The following PRXL2B variants were observed in gnomAD, a reference collection of about 807,000 sequenced individuals.
The protein encoded by PRXL2B is peroxiredoxin like 2B, also known as prostamide/prostaglandin F synthase.
Under a neutral mutation model 24.4 loss-of-function variants are expected in PRXL2B, and 26 were observed. The observed-to-expected ratio is 1.07, with a 90% CI of 0.78 to 1.48. PRXL2B has a LOEUF of 1.48. Ranked by LOEUF, PRXL2B falls within the 40% of genes most tolerant of loss-of-function variation. PRXL2B has a pLI of 0.00. For synonymous variants in PRXL2B, 115 were observed against 118.9 expected, an observed-to-expected ratio of 0.97 and a Z score of 0.21; for missense variants, 269 against 264.8, an observed-to-expected ratio of 1.02 and a Z score of -0.11.
chr1:2,586,758 G>T (rs1409429660), upstream of PRXL2B: 2 of 1,242,922 alleles, frequency 1.6e-6, no homozygotes, highest in Non-Finnish European at 2.0e-6. Context: ...AGAAAGGCGG[G>T]ACCGGGGCAT....
In PRXL2B at chr1:2,589,591, C is replaced by G. The variant is rs114216578; in HGVS notation, c.*164C>G. On this transcript the variant is annotated 3_prime_UTR_variant, in exon 7 of 7. Transcript: ENST00000419916. ...CCATTAAAACTGCAGTTCCTGACCA[C>G]GCACTGCTTCGCAGGCTCCGAGCCC... 1,856 of 888,190 alleles carry G rather than the reference C, an allele frequency of 2.1e-3. 26 individuals are homozygous for G. In the African/African-American group the frequency reaches 0.027, roughly 13 times the overall value. The allele number at this position is 888,190 out of a possible 1,614,324, so 55.0% of individuals were successfully genotyped here.
At position 2,587,246 on chromosome 1, in the gene PRXL2B, C is replaced by A. The variant is rs1365786068; in HGVS notation, c.219C>A (p.Pro73=). Residue 73 remains proline, a synonymous_variant, in exon 2 of 7, where the codon CCC becomes CCA. Transcript: ENST00000419916. This position sits in a 1 kb window ranked among gnomAD's most constrained non-coding sequence, Gnocchi z 6.1. ...GCGTGCGCCTGGTGGGCGTAGGGCCCGAGGCCCTGGGTCTGCAGGAGTTCC... is the reference window on the plus strand; with the variant it reads ...GCGTGCGCCTGGTGGGCGTAGGGCCAGAGGCCCTGGGTCTGCAGGAGTTCC... The part of the protein sequence containing the change: ...QHGVRLVGVG[P]EALGLQEFLD... 1.9e-6 allele frequency: 3 copies of A among 1,578,038 alleles called. No homozygotes were observed. The highest frequency in any genetic ancestry group is 1.7e-6 in the Non-Finnish European group (2 of 1,168,242).
In PRXL2B at chr1:2,587,001, G is replaced by A; in HGVS notation, c.63+53G>A. On this transcript the variant is annotated intron_variant, in intron 1 of 6. Transcript: ENST00000419916. The surrounding 1 kb of genome is among the most constrained non-coding windows in gnomAD (Gnocchi z 6.1). ...GGCGCGTCCCTGGCTCCTTGCCCGG[G>A]CGTCCTGGCAGCGATGGGGTGGTGG... The A allele has an allele frequency of 7.6e-7, 1 of 1,318,520 alleles. No individual in the cohort carries two copies. The allele number at this position is 1,318,520 out of a possible 1,614,324, so 81.7% of individuals were successfully genotyped here.
Position 2,589,475 on chromosome 1 carries a change from C to G in PRXL2B, c.*48C>G, listed in dbSNP as rs751401388. On this transcript the variant is annotated 3_prime_UTR_variant, in exon 7 of 7. Transcript: ENST00000419916. ...CGAGGATCTGGGTGGCGTCTGCTGC[C>G]CTAGGTGTGCTGGAAGTCCACTTGG... 1.2e-6 allele frequency: 2 copies of G among 1,613,506 alleles called. No individual in the cohort carries two copies.
Position 2,587,785 on chromosome 1 carries a change from T to G in PRXL2B, c.313T>G (p.Phe105Val). The change falls in exon 3 of 7, where the codon TTC (phenylalanine) becomes GTC (valine). Residue 105 changes from phenylalanine (F) to valine (V), a missense_variant. Physicochemically the swap from Phe to Val is conservative, Grantham distance 50. Coordinates refer to ENST00000419916, the MANE Select transcript of PRXL2B (RefSeq NM_152371.5). The surrounding 1 kb of genome is among the most constrained non-coding windows in gnomAD (Gnocchi z 6.1). ...CAAGCAGCTTTACAAGGAGCTAGGC[T>G]TCAAGCGGTGAGTGGGGGCGGGAAC... ...ESKQLYKELG[F>V]KRYNSLSILP... 5 of 1,602,980 alleles carry G rather than the reference T, an allele frequency of 3.1e-6. No individual in the cohort carries two copies. The highest frequency in any genetic ancestry group is 4.3e-6 in the Non-Finnish European group (5 of 1,175,224).
In PRXL2B at chr1:2,591,195, C is replaced by T. The variant is rs527665070; in HGVS notation, c.*1768C>T. 22 of 723,334 alleles carry T rather than the reference C, an allele frequency of 3.0e-5. No homozygotes were observed. The South Asian group carries it at 3.8e-4, about 12-fold the overall frequency. 44.8% of individuals were successfully genotyped at this position (723,334 alleles called of 1,614,324 possible). On this transcript the variant is annotated 3_prime_UTR_variant, in exon 7 of 7. Transcript: ENST00000419916. ...CCAGCCCAAAACATCAGCCTAATGGCTCATGTCAGTATGAGCAGAAACATT... is the reference window on the plus strand; with the variant it reads ...CCAGCCCAAAACATCAGCCTAATGGTTCATGTCAGTATGAGCAGAAACATT...
At position 2,589,641 on chromosome 1, in the gene PRXL2B, G is replaced by A; in HGVS notation, c.*214G>A. The A allele has an allele frequency of 1.5e-6, 1 of 652,762 alleles. No homozygotes were observed. The highest frequency in any genetic ancestry group is 1.9e-5 in the South Asian group (1 of 52,746). 40.4% of individuals were successfully genotyped at this position (652,762 alleles called of 1,614,324 possible). ...CTGCATCCTCCACAGCCCCCGCCTT[G>A]CTCACTGTTGGGCCCTCAGGGCGGG... is the stretch of plus-strand genomic sequence containing the variant. On this transcript the variant is annotated 3_prime_UTR_variant, in exon 7 of 7. Transcript: ENST00000419916.
Position 2,587,325 on chromosome 1 carries a change from A to G in PRXL2B, c.268+30A>G, listed in dbSNP as rs370605378. 7 of 1,541,874 alleles carry G rather than the reference A, an allele frequency of 4.5e-6. No individual in the cohort carries two copies. Among genetic ancestry groups the G allele is most frequent in the Admixed American group, 3.9e-5 (2 of 51,678 alleles). The stretch of plus-strand genomic sequence containing the variant: ...GTCCTGTTCCCCGCCGCGGCGGCGC[A>G]CATACCCTTCCCTAAGCTCAGGGCG... On this transcript the variant is annotated intron_variant, in intron 2 of 6. Transcript: ENST00000419916. This position sits in a 1 kb window ranked among gnomAD's most constrained non-coding sequence, Gnocchi z 6.1.
At chr1:2,589,344 G>A in intron 6 of PRXL2B, 66 bp from the exon 7 acceptor site, 1 of 1,593,740 alleles carries the variant, frequency 6.3e-7, no homozygotes, top group Non-Finnish European at 8.6e-7. Flanking sequence ...ATTGTCCAAG[G>A]GGGCCCTCCA....
Position 2,591,287 on chromosome 1 carries a change from C to G in PRXL2B, c.*1860C>G. 1.7e-6 allele frequency: 1 copy of G among 596,570 alleles called. No individual in the cohort carries two copies. Among genetic ancestry groups the G allele is most frequent in the Non-Finnish European group, 3.0e-6 (1 of 337,206 alleles). The allele number at this position is 596,570 out of a possible 1,614,324, so 37.0% of individuals were successfully genotyped here. On this transcript the variant is annotated 3_prime_UTR_variant, in exon 7 of 7. Transcript: ENST00000419916. ...ATCCTGAGAATAACCTCCCCTCCAG[C>G]CAGAGATATTCCAACTCTGCAATAA...
Position 2,587,137 on chromosome 1 carries a change from C to A in PRXL2B, c.110C>A (p.Ala37Asp). The change falls in exon 2 of 7, where the codon GCC becomes GAC. Residue 37 changes from alanine to aspartate, a missense_variant. Physicochemically the swap from Ala to Asp is moderately radical, Grantham distance 126. Coordinates refer to ENST00000419916, the MANE Select transcript of PRXL2B (RefSeq NM_152371.5). The surrounding 1 kb of genome is among the most constrained non-coding windows in gnomAD (Gnocchi z 6.1). ...SLWREHACVV[A>D]GLRRFGCVVC... The stretch of plus-strand genomic sequence containing the variant: ...TGGCGGGAGCACGCGTGCGTGGTGG[C>A]CGGGCTGCGGCGCTTCGGGTGCGTG... 2 of 1,537,292 alleles carry A rather than the reference C, an allele frequency of 1.3e-6. No homozygotes were observed. Among genetic ancestry groups the A allele is most frequent in the Non-Finnish European group, 1.7e-6 (2 of 1,148,330 alleles).
chr1:2,588,659 A>G (rs751100339), intron 5 of PRXL2B, 34 bp downstream of exon 5: 1 of 1,604,692 alleles, frequency 6.2e-7, no homozygotes, highest in South Asian at 1.1e-5. Context: ...CCACTGCCTC[A>G]AGGAGGGCCT....
In PRXL2B at chr1:2,589,864, G is replaced by T. The variant is rs746750927; in HGVS notation, c.*437G>T. 3 of 201,576 alleles carry T rather than the reference G, an allele frequency of 1.5e-5. No individual in the cohort carries two copies. The East Asian group carries it at 4.0e-4, about 27-fold the overall frequency. The allele number at this position is 201,576 out of a possible 1,614,324, so 12.5% of individuals were successfully genotyped here. On this transcript the variant is annotated 3_prime_UTR_variant, in exon 7 of 7. Transcript: ENST00000419916. Reference sequence around the variant, plus strand: ...AGGGTCGGGGTCAGTGCCTGTGTCTGGTGGGGGCCACTCAGGAGAGTTGGG... The same window carrying T: ...AGGGTCGGGGTCAGTGCCTGTGTCTTGTGGGGGCCACTCAGGAGAGTTGGG...
chr1:2,588,533 G>C lies in PRXL2B; in HGVS notation c.385-17G>C, dbSNP rs770714266. Reference sequence around the variant, plus strand: ...CTTTCTTCTAGGATTGACTCAGGCTGTACCCACTCCTGACAGGCCAAGGCT... The same window carrying C: ...CTTTCTTCTAGGATTGACTCAGGCTCTACCCACTCCTGACAGGCCAAGGCT... On this transcript the variant is annotated splice_polypyrimidine_tract_variant and intron_variant, in intron 4 of 6. Transcript: ENST00000419916. 1.2e-6 allele frequency: 2 copies of C among 1,613,992 alleles called. No individual in the cohort carries two copies. The highest frequency in any genetic ancestry group is 1.3e-5 in the African/African-American group (1 of 74,934).
At chr1:2,588,016 T>C (rs577789797) in intron 3 of PRXL2B, among the ~76,000 whole-genome samples, 1 of 152,046 alleles carries the variant, frequency 6.6e-6, no homozygotes, top group East Asian at 1.9e-4. Flanking sequence ...ACTCTCGGTG[T>C]CCAGACCACC....
chr1:2,588,205 C>A, intron 3 of PRXL2B, 185 bp from the exon 4 acceptor site: 1 of 756,672 alleles, frequency 1.3e-6, no homozygotes, highest in Non-Finnish European at 2.2e-6. Context: ...AGCCACTGGG[C>A]TCGGTGTCCA....
At chr1:2,586,976 G>A in intron 1 of PRXL2B, 28 bp downstream of exon 1, 1 of 1,316,860 alleles carries the variant, frequency 7.6e-7, no homozygotes, top group Non-Finnish European at 9.6e-7. Flanking sequence ...CAGGGCGGTG[G>A]GCGCGTCCCT....
chr1:2,587,309 C>T lies in PRXL2B; in HGVS notation c.268+14C>T, dbSNP rs1364914849. 3.9e-6 allele frequency: 6 copies of T among 1,551,346 alleles called. No homozygotes were observed. Among genetic ancestry groups the T allele is most frequent in the East Asian group, 4.8e-5 (2 of 41,708 alleles). ...ACTTCGCGGGAGGTGCGTCCTGTTCCCCGCCGCGGCGGCGCACATACCCTT... is the reference window on the plus strand; with the variant it reads ...ACTTCGCGGGAGGTGCGTCCTGTTCTCCGCCGCGGCGGCGCACATACCCTT... On this transcript the variant is annotated intron_variant, in intron 2 of 6. Coordinates refer to ENST00000419916, the MANE Select transcript of PRXL2B (RefSeq NM_152371.5). This position sits in a 1 kb window ranked among gnomAD's most constrained non-coding sequence, Gnocchi z 6.1.
At chr1:2,588,820 G>C (rs1228215471) in intron 5 of PRXL2B, 102 bp from the exon 6 acceptor site, 3 of 1,283,352 alleles carry the variant, frequency 2.3e-6, no homozygotes, top group African/African-American at 1.5e-5. Context: ...CCGGGTGGGG[G>C]ATATGGCTGG....
Sources: allele counts gnomAD v4.1 joint callset (sites outside exome capture counted in the v4.1 genomes callset), GRCh38; gene constraint gnomAD v4.1.1; non-coding constraint Gnocchi (gnomAD v3.1); transcripts MANE v1.5; gene names NCBI Gene and HGNC (gene_info 2026-07-23, HGNC 2026-07-21).